ZC3H12C: variants seen among roughly 807,000 people sequenced by gnomAD.
ZC3H12C encodes zinc finger CCCH-type containing 12C.
Under a neutral mutation model 76.3 loss-of-function variants are expected in ZC3H12C, and 20 were observed. That is an observed-to-expected ratio of 0.26 (90% CI 0.18 to 0.38). ZC3H12C has a LOEUF of 0.38. Ranked by LOEUF, ZC3H12C falls within the 10% of genes least tolerant of loss-of-function variation. ZC3H12C has a pLI of 1.00. For missense variants in ZC3H12C, 874 were observed against 1,086.5 expected, an observed-to-expected ratio of 0.80 and a Z score of 2.75; for synonymous variants, 352 against 399.6, an observed-to-expected ratio of 0.88 and a Z score of 1.42.
In ZC3H12C at chr11:110,169,277, A is replaced by C. The variant is rs1862632953; in HGVS notation, c.*3540A>C. On this transcript the variant is annotated 3_prime_UTR_variant, in exon 6 of 6. Transcript: ENST00000278590. ...GTATATAGACAGTAATATATTTATA[A>C]AACAAATATACTTTGCTTATGTTAT... 6.6e-6 allele frequency: 1 copy of C among 151,954 alleles called. No homozygotes were observed. Among genetic ancestry groups the C allele is most frequent in the Non-Finnish European group, 1.5e-5 (1 of 68,002 alleles). 9.4% of individuals were successfully genotyped at this position (151,954 alleles called of 1,614,324 possible). A position where few individuals can be genotyped will look rare whatever the true frequency, so the allele number is the denominator to read the frequency against.
chr11:110,170,346 AT>A lies in ZC3H12C; in HGVS notation c.*4611del, dbSNP rs1591491321. 2.6e-5 allele frequency: 4 copies of A among 152,324 alleles called. No homozygotes were observed. In the East Asian group the frequency reaches 7.7e-4, roughly 29 times the overall value. The allele number at this position is 152,324 out of a possible 1,614,324, so 9.4% of individuals were successfully genotyped here. On this transcript the variant is annotated 3_prime_UTR_variant, in exon 6 of 6. Transcript: ENST00000278590. ...CAAAAAAAATCTGTTGCAGCATTTA[AT>A]TAGCCACAGATACATTTTGGCTGCA...
chr11:110,104,219 C>T (rs561005611), intron 1 of ZC3H12C, among the ~76,000 whole-genome samples: 2 of 152,004 alleles, frequency 1.3e-5, no homozygotes, highest in South Asian at 2.1e-4. Context: ...CCACCACACC[C>T]AAGTAATTTT....
intron 2 of ZC3H12C, among the ~76,000 whole-genome samples, chr11:110,145,429 C>T (rs753720348): frequency 2.6e-5 from 4 of 152,168 alleles, no homozygotes; most frequent in Non-Finnish European, 5.9e-5. Context: ...TTCCAGTTGT[C>T]TAGTTCATAA....
Position 110,165,271 on chromosome 11 carries a change from C to T in ZC3H12C, c.2186C>T (p.Pro729Leu). ...TGTCCTGGCGACTACCCCTCTCCTC[C>T]AAGTTCAGCACACTCTAAGGCACCA... ...SSCPGDYPSP[P>L]SSAHSKAPHL... Residue 729 changes from proline (P) to leucine (L), a missense_variant, in exon 6 of 6, where the codon CCA becomes CTA. Transcript: ENST00000278590. 6.2e-7 allele frequency: 1 copy of T among 1,614,036 alleles called. No homozygotes were observed. The highest frequency in any genetic ancestry group is 8.5e-7 in the Non-Finnish European group (1 of 1,179,894).
chr11:110,097,563 C>T (rs1861136103), intron 1 of ZC3H12C, among the ~76,000 whole-genome samples: 1 of 152,202 alleles, frequency 6.6e-6, no homozygotes, highest in Non-Finnish European at 1.5e-5. Flanking sequence ...TGTATTAATG[C>T]ATTTAATGCT....
intron 1 of ZC3H12C, among the ~76,000 whole-genome samples, chr11:110,116,503 T>C (rs1473884231): frequency 6.6e-6 from 1 of 152,234 alleles, no homozygotes; most frequent in Non-Finnish European, 1.5e-5. Context: ...CTTGGTTCTA[T>C]AAATATGTGG....
rs1483040893 is a variant in ZC3H12C at position 110,164,783 on chromosome 11, C to CA, written c.1703dup (p.Asn568LysfsTer9). On this transcript the variant is annotated frameshift_variant, in exon 6 of 6. Transcript: ENST00000278590. LOFTEE classifies it high-confidence loss of function. The surrounding 1 kb of genome is among the most constrained non-coding windows in gnomAD (Gnocchi z 5.7). ...AATATCCTTCAATGATGATGGCAACCAAAAATCATGGAACGCCAATGCCTT... is the reference window on the plus strand; with the variant it reads ...AATATCCTTCAATGATGATGGCAACCAAAAAATCATGGAACGCCAATGCCTT... 1 of 1,613,976 alleles carries CA rather than the reference C, an allele frequency of 6.2e-7. No individual in the cohort carries two copies. The highest frequency in any genetic ancestry group is 8.5e-7 in the Non-Finnish European group (1 of 1,179,880).
chr11:110,130,257 C>G (rs1434894754), intron 1 of ZC3H12C, among the ~76,000 whole-genome samples: 1 of 152,128 alleles, frequency 6.6e-6, no homozygotes, highest in Non-Finnish European at 1.5e-5. Flanking sequence ...GTTTAGGTAA[C>G]TCATTTGGCA....
intron 1 of ZC3H12C, among the ~76,000 whole-genome samples, chr11:110,129,912 C>T (rs1861829890): frequency 6.6e-6 from 1 of 151,836 alleles, no homozygotes. Context: ...CATATTGCAG[C>T]CTGAAACTTT....
chr11:110,137,305 ACTT>A lies in ZC3H12C; in HGVS notation c.669_671del (p.Ser224del), dbSNP rs1398020593. 6.2e-7 allele frequency: 1 copy of A among 1,613,948 alleles called. No individual in the cohort carries two copies. The highest frequency in any genetic ancestry group is 8.5e-7 in the Non-Finnish European group (1 of 1,179,882). ...TACAATTAACACTATAACACGGGAA[ACTT>A]CTTCCCTGGAATCTCAGAGGTCTGA... is the stretch of plus-strand genomic sequence containing the variant. On this transcript the variant is annotated inframe_deletion, in exon 2 of 6. Coordinates refer to ENST00000278590, the MANE Select transcript of ZC3H12C (RefSeq NM_033390.2).
chr11:110,154,109 T>A (rs1035820875), intron 3 of ZC3H12C, among the ~76,000 whole-genome samples: 1 of 152,210 alleles, frequency 6.6e-6, no homozygotes, highest in Non-Finnish European at 1.5e-5. Flanking sequence ...CAGTGGCTCA[T>A]GCCTGTAATC....
intron 3 of ZC3H12C, among the ~76,000 whole-genome samples, chr11:110,156,041 T>TA (rs1305251568): frequency 1.3e-5 from 2 of 152,138 alleles, no homozygotes; most frequent in African/African-American, 4.8e-5. Context: ...GTTTTAAAAA[T>TA]ACCAGCATGC....
chr11:110,121,378 G>A (rs938438565), intron 1 of ZC3H12C, among the ~76,000 whole-genome samples: 7 of 152,162 alleles, frequency 4.6e-5, no homozygotes, highest in African/African-American at 1.2e-4. Context: ...GCTAACAATC[G>A]AAATGCTTTG....
At chr11:110,118,769 C>A (rs985284597) in intron 1 of ZC3H12C, among the ~76,000 whole-genome samples, 4 of 151,828 alleles carry the variant, frequency 2.6e-5, no homozygotes, top group Non-Finnish European at 5.9e-5. Context: ...TGCACTCCAG[C>A]CTGGGTGGCA....
Position 110,164,774 on chromosome 11 carries a change from G to T in ZC3H12C, c.1689G>T (p.Met563Ile). 2 of 1,613,986 alleles carry T rather than the reference G, an allele frequency of 1.2e-6. No individual in the cohort carries two copies. The highest frequency in any genetic ancestry group is 1.7e-6 in the Non-Finnish European group (2 of 1,179,890). The change falls in exon 6 of 6, where the codon ATG (methionine) becomes ATT (isoleucine). Residue 563 changes from methionine to isoleucine, a missense_variant. Physicochemically the swap from Met to Ile is conservative, Grantham distance 10. This residue lies in a region of ZC3H12C where 395 missense variants were observed against 434.4 expected (regional missense o/e 0.91). Coordinates refer to ENST00000278590, the MANE Select transcript of ZC3H12C (RefSeq NM_033390.2). The surrounding 1 kb of genome is among the most constrained non-coding windows in gnomAD (Gnocchi z 5.7). ...CACAGGGACAATATCCTTCAATGAT[G>T]ATGGCAACCAAAAATCATGGAACGC... ...QRPQGQYPSM[M>I]MATKNHGTPM...
intron 1 of ZC3H12C, among the ~76,000 whole-genome samples, chr11:110,119,636 C>T (rs976516873): frequency 6.6e-6 from 1 of 152,122 alleles, no homozygotes; most frequent in African/African-American, 2.4e-5. Flanking sequence ...CACCAAATAC[C>T]TTACACTGGG....
At chr11:110,142,515 G>T (rs572719829) in intron 2 of ZC3H12C, among the ~76,000 whole-genome samples, 36 of 152,266 alleles carry the variant, frequency 2.4e-4, no homozygotes, top group African/African-American at 8.2e-4. Context: ...ATCTTGACCA[G>T]CTAGATGTTG....
At chr11:110,120,515 CTT>C (rs1861634044) in intron 1 of ZC3H12C, among the ~76,000 whole-genome samples, 1 of 152,160 alleles carries the variant, frequency 6.6e-6, no homozygotes, top group Non-Finnish European at 1.5e-5. Flanking sequence ...GAAAAGGACA[CTT>C]GACTTGTTTA....
At chr11:110,117,258 C>T (rs904041181) in intron 1 of ZC3H12C, among the ~76,000 whole-genome samples, 1 of 152,070 alleles carries the variant, frequency 6.6e-6, no homozygotes, top group South Asian at 2.1e-4. Context: ...ATATGTAATC[C>T]TCCTCAAAGT....
Sources: allele counts gnomAD v4.1 joint callset (sites outside exome capture counted in the v4.1 genomes callset), GRCh38; gene constraint gnomAD v4.1.1; regional missense constraint gnomAD v4.1.1; non-coding constraint Gnocchi (gnomAD v3.1); transcripts MANE v1.5; gene names NCBI Gene and HGNC (gene_info 2026-07-23, HGNC 2026-07-21).